Variants in IQSEC1 observed in about 807,000 individuals in gnomAD.
IQSEC1 encodes the protein IQ motif and SEC7 domain-containing protein 1.
A neutral mutation model predicts 91.0 loss-of-function variants in IQSEC1; 31 were observed. The observed-to-expected ratio is 0.34, with a 90% CI of 0.26 to 0.46. IQSEC1 has a LOEUF of 0.46. IQSEC1 is among the 20% of genes least tolerant of loss of function. The probability of loss-of-function intolerance (pLI) is 1.00; values close to 1 mark genes in which losing one functional copy is unlikely to be tolerated. For synonymous variants in IQSEC1, 699 were observed against 662.6 expected (o/e 1.05, Z -0.84); for missense variants, 1,388 against 1,575.6 (o/e 0.88, Z 2.02).
intron 2 of IQSEC1, among the ~76,000 whole-genome samples, chr3:13,160,187 G>A (rs552367767): frequency 2.0e-5 from 3 of 152,256 alleles, no homozygotes; most frequent in Admixed American, 1.3e-4. Flanking sequence ...CTGCTGCTCC[G>A]GAGGCTAAGA....
rs559622372 is a variant in IQSEC1 at position 12,999,686 on chromosome 3, A to C, written c.24-57821T>G. On this transcript the variant is annotated intron_variant, in intron 1 of 13. Transcript: ENST00000613206. ...CTGTCCACAAAGCAGGAAGTATAGC[A>C]GGCAACTCTCAGTTCCCATTGTCTC... Among the ~76,000 whole-genome samples the C allele has an allele frequency of 8.0e-4, 122 of 152,330 alleles. 1 individual carries two copies. The highest frequency in any genetic ancestry group is 2.8e-3 in the African/African-American group (117 of 41,562).
chr3:13,006,652 T>A (rs1435040763), intron 1 of IQSEC1, among the ~76,000 whole-genome samples: 1 of 152,214 alleles, frequency 6.6e-6, no homozygotes, highest in African/African-American at 2.4e-5. Context: ...AAAATCTAAC[T>A]GAAACACACG....
intron 1 of IQSEC1, among the ~76,000 whole-genome samples, chr3:13,244,531 G>A (rs913512964): frequency 2.6e-5 from 4 of 152,122 alleles, no homozygotes; most frequent in African/African-American, 9.7e-5. Context: ...TAATGGGGAG[G>A]TCCACTGAGC....
chr3:12,901,585 T>TC (rs1694312384), intron 13 of IQSEC1, 63 bp from the exon 14 acceptor site: 18 of 1,316,208 alleles, frequency 1.4e-5, no homozygotes, highest in Admixed American at 4.8e-5. Context: ...TCAGAATGAT[T>TC]TTTTTTTTTC....
chr3:13,084,045 G>A lies in IQSEC1; in HGVS notation c.303-36523C>T, dbSNP rs79434104. 1.7e-3 allele frequency among the ~76,000 whole-genome samples: 258 copies of A among 152,332 alleles called. 1 individual carries two copies. The highest frequency in any genetic ancestry group is 6.0e-3 in the African/African-American group (251 of 41,566). On this transcript the variant is annotated intron_variant, in intron 2 of 15. Transcript: ENST00000648114. Reference sequence around the variant, plus strand: ...GCCATATGTACCAGGGGCTCCAAGCGCATGGCTGAGTTCATGCCTCCTGCA... The same window carrying A: ...GCCATATGTACCAGGGGCTCCAAGCACATGGCTGAGTTCATGCCTCCTGCA...
At chr3:13,247,138 G>A (rs894379917) in intron 1 of IQSEC1, among the ~76,000 whole-genome samples, 1 of 152,154 alleles carries the variant, frequency 6.6e-6, no homozygotes, top group African/African-American at 2.4e-5. Flanking sequence ...CCTAAAACCT[G>A]CTGGTGAGGT....
intron 1 of IQSEC1, among the ~76,000 whole-genome samples, chr3:13,173,433 T>C (rs1028797555): frequency 2.0e-5 from 3 of 152,216 alleles, no homozygotes; most frequent in Non-Finnish European, 4.4e-5. Flanking sequence ...ACCAGCCCTG[T>C]CTGGTCAGGC....
At chr3:13,087,664 T>C (rs1443492597) in intron 2 of IQSEC1, among the ~76,000 whole-genome samples, 3 of 152,238 alleles carry the variant, frequency 2.0e-5, no homozygotes, top group Non-Finnish European at 2.9e-5. Flanking sequence ...CAGGATCACT[T>C]GCTGTCTTCG....
chr3:12,920,736 T>A, intron 5 of IQSEC1, 140 bp from the exon 6 acceptor site: 1 of 865,438 alleles, frequency 1.2e-6, no homozygotes. Flanking sequence ...CTGTCGGAGT[T>A]GGCCCTGACT....
At chr3:13,165,511 CGGGGGGGTGGGGGGT>C (rs1559267942) in intron 1 of IQSEC1, among the ~76,000 whole-genome samples, 2 of 74,292 alleles carry the variant, frequency 2.7e-5, no homozygotes, top group African/African-American at 1.2e-4. Flanking sequence ...AGAAAGCAAG[CGGGGGGGTGGGGGGT>C]GGGGGGGTGG....
At chr3:13,264,545 T>C (rs1012589894) in intron 1 of IQSEC1, among the ~76,000 whole-genome samples, 1 of 150,796 alleles carries the variant, frequency 6.6e-6, no homozygotes, top group African/African-American at 2.4e-5. Context: ...CCTCCTCCCC[T>C]CCCTCCCTCC....
intron 1 of IQSEC1, among the ~76,000 whole-genome samples, chr3:13,278,650 C>A (rs1695736075): frequency 6.6e-6 from 1 of 152,198 alleles, no homozygotes; most frequent in Non-Finnish European, 1.5e-5. Flanking sequence ...GAAACCCCGT[C>A]TCTACCAAAA....
intron 3 of IQSEC1, among the ~76,000 whole-genome samples, chr3:12,934,606 G>A (rs1038490123): frequency 2.0e-5 from 3 of 152,218 alleles, no homozygotes; most frequent in Middle Eastern, 6.8e-3. Context: ...CATCTGATGA[G>A]GCCAAATCCC....
chr3:12,947,996 C>T (rs776129795), intron 1 of IQSEC1, among the ~76,000 whole-genome samples: 25 of 152,248 alleles, frequency 1.6e-4, no homozygotes, highest in African/African-American at 2.7e-4. Context: ...CCTGCTGCCC[C>T]GCCCCACCCA....
At chr3:12,946,967 C>G (rs1226106176) in intron 1 of IQSEC1, among the ~76,000 whole-genome samples, 2 of 152,200 alleles carry the variant, frequency 1.3e-5, no homozygotes, top group African/African-American at 4.8e-5. Flanking sequence ...TTGGATGAAG[C>G]CTCAGCCTCC....
At chr3:13,032,826 C>T (rs562109397) in intron 1 of IQSEC1, among the ~76,000 whole-genome samples, 23 of 152,214 alleles carry the variant, frequency 1.5e-4, no homozygotes, top group African/African-American at 4.8e-4. Flanking sequence ...CCTCGTGATC[C>T]GCCTGCCTCG....
chr3:12,964,864 G>T (rs1239511748), intron 1 of IQSEC1, among the ~76,000 whole-genome samples: 1 of 152,170 alleles, frequency 6.6e-6, no homozygotes, highest in Admixed American at 6.5e-5. Flanking sequence ...CTGAGCTCCT[G>T]CAGCCCTGGG....
intron 1 of IQSEC1, among the ~76,000 whole-genome samples, chr3:13,056,056 T>G (rs961103393): frequency 6.6e-6 from 1 of 151,934 alleles, no homozygotes; most frequent in African/African-American, 2.4e-5. Context: ...GTCATGAGTG[T>G]CTCGGGTCAG....
chr3:13,091,620 G>A (rs943474770), intron 2 of IQSEC1, among the ~76,000 whole-genome samples: 2 of 152,154 alleles, frequency 1.3e-5, no homozygotes, highest in East Asian at 1.9e-4. Flanking sequence ...CAGGTGGGAC[G>A]GGCCCACAAT....
Sources: gnomAD v4.1 joint callset for allele counts (sites outside exome capture counted in the v4.1 genomes callset) on GRCh38, gnomAD v4.1.1 for gene constraint, MANE v1.5 for transcripts, NCBI Gene and HGNC (gene_info 2026-07-23, HGNC 2026-07-21) for gene names.